ANKRD46: variants seen among roughly 807,000 people sequenced by gnomAD.
ANKRD46 encodes the protein ankyrin repeat domain 46.
ANKRD46 carries 13 observed loss-of-function variants against 19.8 expected under a neutral mutation model. That is an observed-to-expected ratio of 0.66 (90% CI 0.43 to 1.04). ANKRD46 has a LOEUF of 1.04. ANKRD46 is among the 50% of genes least tolerant of loss of function. ANKRD46 has a pLI of 0.00. For missense variants in ANKRD46, 185 were observed against 274.8 expected (o/e 0.67, Z 2.31); for synonymous variants, 91 against 106.9 (o/e 0.85, Z 0.92).
Position 100,522,243 on chromosome 8 carries a change from G to C in ANKRD46, c.*312C>G. ...ATTAGGATAAGGTTTTGATAGCAAG[G>C]ACTTCCTAGCTTCTTCCTTTATCTT... On this transcript the variant is annotated 3_prime_UTR_variant, in exon 5 of 5. Coordinates refer to ENST00000335659, the MANE Select transcript of ANKRD46 (RefSeq NM_001270377.2). 8.9e-7 allele frequency: 1 copy of C among 1,119,374 alleles called. No homozygotes were observed. The highest frequency in any genetic ancestry group is 1.1e-6 in the Non-Finnish European group (1 of 912,472). 69.3% of individuals were successfully genotyped at this position (1,119,374 alleles called of 1,614,324 possible). A position where few individuals can be genotyped will look rare whatever the true frequency, so the allele number is the denominator to read the frequency against.
Position 100,546,938 on chromosome 8 carries a change from T to C in ANKRD46, c.-131+12773A>G, listed in dbSNP as rs187497447. Among the ~76,000 whole-genome samples, 201 of 152,298 alleles carry C rather than the reference T, an allele frequency of 1.3e-3. No homozygotes were observed. Among genetic ancestry groups the C allele is most frequent in the Non-Finnish European group, 1.9e-3 (132 of 68,000 alleles). ...CCTGAGGCCCCTTTGTTTTGGCCAATTTCTCCCATTTGGAATGGGAGCATT... is the reference window on the plus strand; with the variant it reads ...CCTGAGGCCCCTTTGTTTTGGCCAACTTCTCCCATTTGGAATGGGAGCATT... On this transcript the variant is annotated intron_variant, in intron 1 of 4. Coordinates refer to ENST00000335659, the MANE Select transcript of ANKRD46 (RefSeq NM_001270377.2). The surrounding 1 kb of genome is among the most constrained non-coding windows in gnomAD (Gnocchi z 4.0).
chr8:100,550,683 C>G lies in ANKRD46; in HGVS notation c.-131+9028G>C. The G allele has an allele frequency of 3.4e-6, 1 of 297,154 alleles. No homozygotes were observed. Among genetic ancestry groups the G allele is most frequent in the Non-Finnish European group, 6.6e-6 (1 of 151,708 alleles). The allele number at this position is 297,154 out of a possible 1,614,324, so 18.4% of individuals were successfully genotyped here. A position where few individuals can be genotyped will look rare whatever the true frequency, so the allele number is the denominator to read the frequency against. ...CTGCCCAGAAGCTGAAGGTCTCTTT[C>G]TTCCTCTTGTGCTCTCACTGGGGCT... is the stretch of plus-strand genomic sequence containing the variant. On this transcript the variant is annotated intron_variant, in intron 1 of 4. Transcript: ENST00000335659. This position sits in a 1 kb window ranked among gnomAD's most constrained non-coding sequence, Gnocchi z 4.4.
At chr8:100,547,043 C>T (rs1243683682) in intron 1 of ANKRD46, among the ~76,000 whole-genome samples, 3 of 152,140 alleles carry the variant, frequency 2.0e-5, no homozygotes, top group South Asian at 4.1e-4. Flanking sequence ...GTGGAAGAGA[C>T]TTGCCTTGTC....
chr8:100,549,637 C>G (rs892767774), intron 1 of ANKRD46, among the ~76,000 whole-genome samples: 2 of 152,108 alleles, frequency 1.3e-5, no homozygotes, highest in African/African-American at 2.4e-5. Flanking sequence ...CATATTCCCC[C>G]ACCCTGCCAC....
At position 100,529,931 on chromosome 8, in the gene ANKRD46, G is replaced by T; in HGVS notation, c.-27-71C>A. 7.9e-7 allele frequency: 1 copy of T among 1,263,664 alleles called. No individual in the cohort carries two copies. The highest frequency in any genetic ancestry group is 1.6e-5 in the South Asian group (1 of 62,760). 78.3% of individuals were successfully genotyped at this position (1,263,664 alleles called of 1,614,324 possible). A position where few individuals can be genotyped will look rare whatever the true frequency, so the allele number is the denominator to read the frequency against. ...CAAGACAAAGGAGTCATTTAGAAAA[G>T]CAATATTTCTCATCCTTTTTGGCCT... On this transcript the variant is annotated intron_variant, in intron 2 of 4. Coordinates refer to ENST00000335659, the MANE Select transcript of ANKRD46 (RefSeq NM_001270377.2). The surrounding 1 kb of genome is among the most constrained non-coding windows in gnomAD (Gnocchi z 5.8).
rs59521764 is a variant in ANKRD46, at chr8:100,555,722, T to TAAAAAAAAAAAAAAA, written c.-131+3974_-131+3988dup. On this transcript the variant is annotated intron_variant, in intron 1 of 4. Transcript: ENST00000335659. Reference sequence around the variant, plus strand: ...GCACCAACTTAATATTTTCCTCAGCTAAAAAAAAAAAAAAAAAAAAAAAAA... The same window carrying TAAAAAAAAAAAAAAA: ...GCACCAACTTAATATTTTCCTCAGCTAAAAAAAAAAAAAAAAAAAAAAAAAAAAAAAAAAAAAAAA... 1.2e-3 allele frequency among the ~76,000 whole-genome samples: 62 copies of TAAAAAAAAAAAAAAA among 53,302 alleles called. 13 individuals are homozygous for TAAAAAAAAAAAAAAA. The highest frequency in any genetic ancestry group is 1.5e-3 in the Non-Finnish European group (47 of 30,378). 35.0% of individuals were successfully genotyped at this position (53,302 alleles called of 152,430 possible). A position where few individuals can be genotyped will look rare whatever the true frequency, so the allele number is the denominator to read the frequency against.
Position 100,511,176 on chromosome 8 carries a change from A to G in ANKRD46, c.637-537T>C, listed in dbSNP as rs1811543182. On this transcript the variant is annotated intron_variant, in intron 5 of 5. Coordinates refer to the ANKRD46 transcript ENST00000520552. The surrounding 1 kb of genome is among the most constrained non-coding windows in gnomAD (Gnocchi z 4.1). ...CTGGTTAGCATTACTATTCCCATGT[A>G]ACAGATGAGCTGAGTCAGGAATATC... Among the ~76,000 whole-genome samples, 1 of 152,202 alleles carries G rather than the reference A, an allele frequency of 6.6e-6. No individual in the cohort carries two copies. The highest frequency in any genetic ancestry group is 2.4e-5 in the African/African-American group (1 of 41,446).
chr8:100,521,146 C>T lies in ANKRD46; in HGVS notation c.*1409G>A, dbSNP rs1371920089. The T allele has an allele frequency of 1.0e-6, 1 of 984,776 alleles. No homozygotes were observed. Among genetic ancestry groups the T allele is most frequent in the Non-Finnish European group, 1.2e-6 (1 of 829,878 alleles). The allele number at this position is 984,776 out of a possible 1,614,324, so 61.0% of individuals were successfully genotyped here. On this transcript the variant is annotated 3_prime_UTR_variant, in exon 5 of 5. Coordinates refer to ENST00000335659, the MANE Select transcript of ANKRD46 (RefSeq NM_001270377.2). ...AGCTATTAAAGAGAGGATAAAGCCA[C>T]ATGAAAGAGCAAGCCTCAATACTAG... is the stretch of plus-strand genomic sequence containing the variant.
Position 100,527,479 on chromosome 8 carries a change from C to T in ANKRD46, c.470+366G>A, listed in dbSNP as rs1811863845. 6.6e-6 allele frequency among the ~76,000 whole-genome samples: 1 copy of T among 152,186 alleles called. No homozygotes were observed. The highest frequency in any genetic ancestry group is 2.1e-4 in the South Asian group (1 of 4,826). On this transcript the variant is annotated intron_variant, in intron 4 of 4. Transcript: ENST00000335659. The surrounding 1 kb of genome is among the most constrained non-coding windows in gnomAD (Gnocchi z 4.0). ...TCATCAAGCTCCGGCTTCCTCCCCT[C>T]AGATTCATTTGTTACTATTTCTCCT...
intron 4 of ANKRD46, among the ~76,000 whole-genome samples, chr8:100,526,675 T>A (rs1226315115): frequency 6.6e-6 from 1 of 152,072 alleles, no homozygotes; most frequent in Non-Finnish European, 1.5e-5. Flanking sequence ...CTGAACAAAA[T>A]AGACCTAAGC....
At chr8:100,516,603 G>C (rs943494272), downstream of ANKRD46, among the ~76,000 whole-genome samples, 2 of 152,146 alleles carry the variant, frequency 1.3e-5, no homozygotes, top group Non-Finnish European at 2.9e-5. Context: ...TAGGAATGAG[G>C]TTCTAGTAAT....
Position 100,511,313 on chromosome 8 carries a change from C to T in ANKRD46, c.637-674G>A, listed in dbSNP as rs1436785852. Among the ~76,000 whole-genome samples the T allele has an allele frequency of 3.3e-5, 5 of 152,168 alleles. No individual in the cohort carries two copies. Among genetic ancestry groups the T allele is most frequent in the Non-Finnish European group, 2.9e-5 (2 of 68,038 alleles). On this transcript the variant is annotated intron_variant, in intron 5 of 5. Transcript: ENST00000520552. This position sits in a 1 kb window ranked among gnomAD's most constrained non-coding sequence, Gnocchi z 4.1. ...ATCCAAACCCAGGTCTGCCTGAGTGCGAGACCCCTGTGCTCACCACCACAC... is the reference window on the plus strand; with the variant it reads ...ATCCAAACCCAGGTCTGCCTGAGTGTGAGACCCCTGTGCTCACCACCACAC...
At chr8:100,551,178 A>G in intron 1 of ANKRD46, 1 of 440,538 alleles carries the variant, frequency 2.3e-6, no homozygotes, top group South Asian at 1.9e-5. Flanking sequence ...CAGGAGTGGC[A>G]GCATGGATTG....
At position 100,557,407 on chromosome 8, in the gene ANKRD46, T is replaced by C. The variant is rs138965201; in HGVS notation, c.-131+2304A>G. Among the ~76,000 whole-genome samples, 66 of 152,340 alleles carry C rather than the reference T, an allele frequency of 4.3e-4. No individual in the cohort carries two copies. The highest frequency in any genetic ancestry group is 1.5e-3 in the African/African-American group (63 of 41,580). On this transcript the variant is annotated intron_variant, in intron 1 of 4. Coordinates refer to ENST00000335659, the MANE Select transcript of ANKRD46 (RefSeq NM_001270377.2). This position sits in a 1 kb window ranked among gnomAD's most constrained non-coding sequence, Gnocchi z 5.9. ...TACGACGGCTTCTTACTGCCTCTCTTACTACCCACCTGGTCTAAGCCACCA... is the reference window on the plus strand; with the variant it reads ...TACGACGGCTTCTTACTGCCTCTCTCACTACCCACCTGGTCTAAGCCACCA...
rs55691032 is a variant in ANKRD46 at position 100,524,745 on chromosome 8, T to G, written c.471-1974A>C. On this transcript the variant is annotated intron_variant, in intron 4 of 4. Transcript: ENST00000335659. This position sits in a 1 kb window ranked among gnomAD's most constrained non-coding sequence, Gnocchi z 4.3. ...TTGACATGCCCTTATACATGTTAGG[T>G]ATAAAATGAAAATTCCATGAGCATT... 1.7e-3 allele frequency among the ~76,000 whole-genome samples: 256 copies of G among 152,280 alleles called. No homozygotes were observed. Among genetic ancestry groups the G allele is most frequent in the Middle Eastern group, 3.4e-3 (1 of 294 alleles).
downstream of ANKRD46, chr8:100,520,741 T>TTAAAA: frequency 1.4e-6 from 1 of 718,776 alleles, no homozygotes; most frequent in Non-Finnish European, 1.6e-6. Flanking sequence ...TATAATACAC[T>TTAAAA]AAAAAAAAAA....
intron 1 of ANKRD46, among the ~76,000 whole-genome samples, chr8:100,552,122 C>T (rs986015662): frequency 2.1e-5 from 3 of 145,836 alleles, no homozygotes; most frequent in South Asian, 2.2e-4. Flanking sequence ...TGCACTCCAG[C>T]CTGGGTGACA....
chr8:100,538,369 C>T (rs1812106997), intron 1 of ANKRD46, among the ~76,000 whole-genome samples: 1 of 152,120 alleles, frequency 6.6e-6, no homozygotes, highest in Non-Finnish European at 1.5e-5. Context: ...GACTTTCTTT[C>T]TTGTCATTAT....
intron 2 of ANKRD46, among the ~76,000 whole-genome samples, chr8:100,530,559 A>G (rs928060547): frequency 4.6e-5 from 7 of 151,934 alleles, no homozygotes; most frequent in African/African-American, 1.7e-4. Context: ...AATTTTTTGT[A>G]TTTTTAGTAG....
Sources: allele counts gnomAD v4.1 joint callset (sites outside exome capture counted in the v4.1 genomes callset), GRCh38; gene constraint gnomAD v4.1.1; non-coding constraint Gnocchi (gnomAD v3.1); transcripts MANE v1.5; gene names NCBI Gene and HGNC (gene_info 2026-07-23, HGNC 2026-07-21).